Variants in RGS3 observed in about 807,000 individuals in gnomAD.
The protein encoded by RGS3 is regulator of G protein signaling 3.
In RGS3, 80 loss-of-function variants were observed where a neutral mutation model predicts 132.6. That is an observed-to-expected ratio of 0.60 (90% confidence interval 0.50 to 0.73). The LOEUF is 0.73. Ranked by LOEUF, RGS3 falls within the 30% of genes least tolerant of loss-of-function variation. The pLI, the probability that RGS3 is intolerant of heterozygous loss-of-function variation, is 0.00. For missense variants in RGS3, 1,382 were observed against 1,530.8 expected, an observed-to-expected ratio of 0.90 and a Z score of 1.62; for synonymous variants, 598 against 620.6, an observed-to-expected ratio of 0.96 and a Z score of 0.54.
At chr9:113,557,428 A>G (rs1833613912) in intron 19 of RGS3, among the ~76,000 whole-genome samples, 1 of 152,240 alleles carries the variant, frequency 6.6e-6, no homozygotes, top group African/African-American at 2.4e-5. Flanking sequence ...TCACGTGCCC[A>G]TTCCAGCCAC....
At chr9:113,466,429 A>T (rs149869756) in intron 3 of RGS3, among the ~76,000 whole-genome samples, 1 of 152,336 alleles carries the variant, frequency 6.6e-6, no homozygotes, top group East Asian at 1.9e-4. Context: ...CTTCGGGGAG[A>T]GTACTGCATG....
At chr9:113,536,692 C>A (rs1369484815) in intron 18 of RGS3, 104 bp from the exon 17 acceptor site, 15 of 1,526,886 alleles carry the variant, frequency 9.8e-6, no homozygotes, top group Non-Finnish European at 1.2e-5. Context: ...CCCCTCCTGG[C>A]TGCAGCCTCA....
intron 19 of RGS3, among the ~76,000 whole-genome samples, chr9:113,555,013 A>AT (rs983051433): frequency 6.6e-6 from 1 of 151,946 alleles, no homozygotes; most frequent in African/African-American, 2.4e-5. Context: ...ACTCTTATTA[A>AT]TTTTTTCCCC....
intron 19 of RGS3, among the ~76,000 whole-genome samples, chr9:113,567,345 G>A (rs1230147926): frequency 6.6e-6 from 1 of 151,896 alleles, no homozygotes; most frequent in African/African-American, 2.4e-5. Context: ...ATTGCTTTGT[G>A]TCCTATGTAT....
At chr9:113,489,728 C>G (rs1385404862) in intron 7 of RGS3, among the ~76,000 whole-genome samples, 1 of 150,572 alleles carries the variant, frequency 6.6e-6, no homozygotes, top group Non-Finnish European at 1.5e-5. Flanking sequence ...CGATGCCTTG[C>G]TATGTTGCCC....
rs1348216358 is a variant in RGS3, at chr9:113,595,620, C to A, written c.3266C>A (p.Ala1089Asp). 8 of 1,614,162 alleles carry A rather than the reference C, an allele frequency of 5.0e-6. No homozygotes were observed. The highest frequency in any genetic ancestry group is 6.8e-6 in the Non-Finnish European group (8 of 1,179,988). ...ACAGACGGGTTAGCAGTGTTCCAAGCCTTCCTTCGCACTGAGTTCAGTGAG... is the reference window on the plus strand; with the variant it reads ...ACAGACGGGTTAGCAGTGTTCCAAGACTTCCTTCGCACTGAGTTCAGTGAG... Residue 1089 changes from alanine to aspartate, a missense_variant, in exon 24 of 25, where the codon GCC becomes GAC. Transcript: ENST00000350696.
Position 113,595,620 on chromosome 9 carries a change from C to G in RGS3, c.3266C>G (p.Ala1089Gly), listed in dbSNP as rs1348216358. ...ACAGACGGGTTAGCAGTGTTCCAAG[C>G]CTTCCTTCGCACTGAGTTCAGTGAG... Residue 1089 changes from alanine to glycine, a missense_variant, in exon 24 of 25, where the codon GCC (alanine) becomes GGC (glycine). By Grantham distance (60) the Ala-to-Gly change is moderately conservative. Coordinates refer to ENST00000350696, the Ensembl canonical transcript of RGS3. 2 of 1,614,044 alleles carry G rather than the reference C, an allele frequency of 1.2e-6. No homozygotes were observed. Among genetic ancestry groups the G allele is most frequent in the African/African-American group, 2.7e-5 (2 of 74,948 alleles).
intron 19 of RGS3, 135 bp from the exon 18 acceptor site, chr9:113,583,315 C>T (rs2118974937): frequency 7.0e-7 from 1 of 1,431,396 alleles, no homozygotes; most frequent in Non-Finnish European, 9.2e-7. Context: ...TTGGGGGTTC[C>T]ATCTGGCACC....
chr9:113,513,434 C>A (rs1293890953), intron 14 of RGS3, among the ~76,000 whole-genome samples: 1 of 152,170 alleles, frequency 6.6e-6, no homozygotes, highest in African/African-American at 2.4e-5. Flanking sequence ...TACAGTGAAG[C>A]CTGGGATTCC....
intron 3 of RGS3, 180 bp from the exon 2 acceptor site, chr9:113,479,311 C>T (rs947322079): frequency 4.4e-5 from 30 of 677,732 alleles, no homozygotes; most frequent in Admixed American, 9.3e-5. Flanking sequence ...AAGGGACTCC[C>T]GATGTGGTGG....
intron 4 of RGS3, among the ~76,000 whole-genome samples, chr9:113,482,292 C>G (rs1182959064): frequency 6.6e-6 from 1 of 152,170 alleles, no homozygotes; most frequent in Non-Finnish European, 1.5e-5. Flanking sequence ...CCAGGCACTC[C>G]TCTGAGCACT....
rs560972084 is a variant in RGS3 at position 113,540,159 on chromosome 9, C to T, written c.2037+3241C>T. ...TGCTTCATTATCTGTAGCTGGGGGG[C>T]GCCTACCTTTCTTCTTCTGCCTGGG... On this transcript the variant is annotated intron_variant, in intron 19 of 24. Coordinates refer to ENST00000350696, the Ensembl canonical transcript of RGS3. Among the ~76,000 whole-genome samples the T allele has an allele frequency of 6.6e-5, 10 of 152,142 alleles. No individual in the cohort carries two copies. The East Asian group carries it at 9.6e-4, about 15-fold the overall frequency.
intron 14 of RGS3, among the ~76,000 whole-genome samples, chr9:113,509,035 C>G (rs576891930): frequency 4.6e-5 from 7 of 152,214 alleles, no homozygotes; most frequent in Admixed American, 1.3e-4. Context: ...CCTGTAATCC[C>G]AGCACTTTGG....
At chr9:113,482,904 G>C in intron 4 of RGS3, 155 bp from the exon 3 acceptor site, 3 of 1,492,978 alleles carry the variant, frequency 2.0e-6, no homozygotes, top group Non-Finnish European at 2.7e-6. Flanking sequence ...TAAGGGCCTA[G>C]TAGCAGGGGC....
chr9:113,480,762 G>A (rs561839618), intron 4 of RGS3, among the ~76,000 whole-genome samples: 1 of 152,332 alleles, frequency 6.6e-6, no homozygotes, highest in African/African-American at 2.4e-5. Context: ...GTCTAGCATG[G>A]CTGGAGCACA....
At chr9:113,454,987 C>T (rs1829335584) in intron 1 of RGS3, among the ~76,000 whole-genome samples, 1 of 152,126 alleles carries the variant, frequency 6.6e-6, no homozygotes, top group Non-Finnish European at 1.5e-5. Context: ...ACCTCTGGGG[C>T]CCTCTCTTTG....
At chr9:113,578,678 G>A (rs1230336058) in intron 19 of RGS3, among the ~76,000 whole-genome samples, 1 of 152,150 alleles carries the variant, frequency 6.6e-6, no homozygotes, top group Non-Finnish European at 1.5e-5. Flanking sequence ...GAGCCATCAA[G>A]GTTCCTGGAA....
chr9:113,483,183 AG>A (rs1469701977), intron 5 of RGS3, 66 bp downstream of exon 3: 2 of 1,138,594 alleles, frequency 1.8e-6, no homozygotes, highest in African/African-American at 1.5e-5. Flanking sequence ...CTCAGTCCCA[AG>A]GTCCCAGCAC....
chr9:113,542,172 A>C (rs1283829718), intron 19 of RGS3: 1 of 152,192 alleles, frequency 6.6e-6, no homozygotes, highest in Non-Finnish European at 1.5e-5. Flanking sequence ...CTGGAGAGGA[A>C]GGAGCCAGTC....
Sources: allele counts gnomAD v4.1 joint callset (sites outside exome capture counted in the v4.1 genomes callset), GRCh38; gene constraint gnomAD v4.1.1; transcripts MANE v1.5; gene names NCBI Gene and HGNC (gene_info 2026-07-23, HGNC 2026-07-21).